Variants in STXBP4 observed in about 807,000 individuals in gnomAD.
STXBP4 encodes the protein syntaxin binding protein 4.
A neutral mutation model predicts 76.1 loss-of-function variants in STXBP4; 55 were observed. That is an observed-to-expected ratio of 0.72 (90% CI 0.58 to 0.91). STXBP4 has a LOEUF of 0.91. Among genes scored for constraint, STXBP4 ranks in the 40% least tolerant of loss-of-function variants. The pLI is 0.00. For missense variants in STXBP4, 618 were observed against 636.9 expected (o/e 0.97, Z 0.32); for synonymous variants, 201 against 220.2 (o/e 0.91, Z 0.77).
intron 12 of STXBP4, among the ~76,000 whole-genome samples, chr17:55,065,617 G>T (rs1024411043): frequency 5.3e-5 from 8 of 151,054 alleles, no homozygotes; most frequent in Admixed American, 4.6e-4. Context: ...AATTAGGAAA[G>T]TAGCTTTTTT....
intron 17 of STXBP4, among the ~76,000 whole-genome samples, chr17:55,143,710 A>C (rs1365580332): frequency 6.6e-6 from 1 of 152,224 alleles, no homozygotes; most frequent in Non-Finnish European, 1.5e-5. Flanking sequence ...GAAAGAACAG[A>C]GAGATGCTAC....
intron 1 of STXBP4, among the ~76,000 whole-genome samples, chr17:54,981,603 A>G (rs866055210): frequency 3.9e-5 from 6 of 152,174 alleles, no homozygotes; most frequent in Non-Finnish European, 8.8e-5. Context: ...TGAAACCATA[A>G]GAGTACTGGA....
the STXBP4 span, among the ~76,000 whole-genome samples, chr17:55,209,467 G>A: frequency 6.6e-6 from 1 of 152,174 alleles, no homozygotes; most frequent in Non-Finnish European, 1.5e-5. Context: ...CAGAGCTGGG[G>A]AGTCAGAGTC....
the STXBP4 span, among the ~76,000 whole-genome samples, chr17:55,183,746 A>T: frequency 6.6e-6 from 1 of 152,244 alleles, no homozygotes; most frequent in African/African-American, 2.4e-5. Flanking sequence ...CTAAATTAAC[A>T]GAGAAAAGTA....
At chr17:55,135,348 T>A (rs1157465749) in intron 16 of STXBP4, among the ~76,000 whole-genome samples, 1 of 152,154 alleles carries the variant, frequency 6.6e-6, no homozygotes, top group Non-Finnish European at 1.5e-5. Context: ...AAATTATATA[T>A]GTATATATGT....
Position 54,985,643 on chromosome 17 carries a change from T to G in STXBP4, c.-127T>G, listed in dbSNP as rs1598157292. ...GCCATTTAAGAAGTTCCTGGAATAA[T>G]ATTAGTCAGAGTAATATAGGATCTG... On this transcript the variant is annotated 5_prime_UTR_variant, in exon 2 of 18. Coordinates refer to ENST00000376352, the MANE Select transcript of STXBP4 (RefSeq NM_178509.6). 1 of 152,400 alleles carries G rather than the reference T, an allele frequency of 6.6e-6. No individual in the cohort carries two copies. Among genetic ancestry groups the G allele is most frequent in the South Asian group, 2.1e-4 (1 of 4,830 alleles). 9.4% of individuals were successfully genotyped at this position (152,400 alleles called of 1,614,324 possible).
intron 4 of STXBP4, among the ~76,000 whole-genome samples, chr17:54,997,618 T>C (rs924561597): frequency 1.4e-4 from 21 of 147,252 alleles, no homozygotes; most frequent in Non-Finnish European, 4.5e-5. Flanking sequence ...ATATATATTT[T>C]TTTTGAGACA....
Position 55,165,827 on chromosome 17 carries a change from T to A in STXBP4, c.*5916T>A, listed in dbSNP as rs1482175177. ...GAACCTGTTTGCCCCTTCTGCCTTGTGAGGATGCAGCAAGAAGTTGCCATC... is the reference window on the plus strand; with the variant it reads ...GAACCTGTTTGCCCCTTCTGCCTTGAGAGGATGCAGCAAGAAGTTGCCATC... On this transcript the variant is annotated 3_prime_UTR_variant, in exon 18 of 18. Coordinates refer to ENST00000376352, the MANE Select transcript of STXBP4 (RefSeq NM_178509.6). 1.3e-5 allele frequency: 2 copies of A among 152,244 alleles called. No homozygotes were observed. The highest frequency in any genetic ancestry group is 4.8e-5 in the African/African-American group (2 of 41,452). The allele number at this position is 152,244 out of a possible 1,614,324, so 9.4% of individuals were successfully genotyped here.
intron 16 of STXBP4, among the ~76,000 whole-genome samples, chr17:55,111,120 T>C (rs2079709003): frequency 6.6e-6 from 1 of 152,200 alleles, no homozygotes; most frequent in African/African-American, 2.4e-5. Context: ...ACTTCCTAAC[T>C]TGTCACCCTA....
chr17:54,988,398 G>A (rs1457626670), intron 3 of STXBP4, among the ~76,000 whole-genome samples: 1 of 152,148 alleles, frequency 6.6e-6, no homozygotes, highest in Admixed American at 6.5e-5. Context: ...ATCTAATAAG[G>A]TAGCTTACTT....
intron 1 of STXBP4, among the ~76,000 whole-genome samples, chr17:54,969,490 C>T (rs1273269060): frequency 1.3e-5 from 2 of 152,202 alleles, no homozygotes; most frequent in African/African-American, 4.8e-5. Context: ...CTCACCATGG[C>T]CCTGTGCCCT....
intron 16 of STXBP4, among the ~76,000 whole-genome samples, chr17:55,139,824 A>G (rs1344585198): frequency 6.6e-6 from 1 of 152,168 alleles, no homozygotes; most frequent in African/African-American, 2.4e-5. Flanking sequence ...GTGTTAATAT[A>G]CAAAGGAAAT....
At chr17:55,178,743 A>G in the STXBP4 span, among the ~76,000 whole-genome samples, 2 of 152,250 alleles carry the variant, frequency 1.3e-5, no homozygotes, top group Non-Finnish European at 2.9e-5. Context: ...CCTAAGAACC[A>G]GGACAGCTGA....
chr17:55,058,554 T>C (rs1050747519), intron 12 of STXBP4, among the ~76,000 whole-genome samples: 10 of 152,176 alleles, frequency 6.6e-5, no homozygotes, highest in Admixed American at 2.0e-4. Flanking sequence ...CAAATCAACA[T>C]TTTATCATAA....
the STXBP4 span, among the ~76,000 whole-genome samples, chr17:55,202,248 T>C: frequency 6.6e-6 from 1 of 152,020 alleles, no homozygotes; most frequent in Non-Finnish European, 1.5e-5. Context: ...GGTCTCTCAA[T>C]CTTGAACACC....
At chr17:55,027,332 G>A (rs184235867) in intron 8 of STXBP4, among the ~76,000 whole-genome samples, 4 of 152,182 alleles carry the variant, frequency 2.6e-5, no homozygotes, top group Admixed American at 6.5e-5. Flanking sequence ...CCTTCCTATC[G>A]CCCAAGATAC....
the STXBP4 span, among the ~76,000 whole-genome samples, chr17:55,203,496 G>T: frequency 6.6e-6 from 1 of 152,098 alleles, no homozygotes. Flanking sequence ...TTTGAAAATT[G>T]TTTCTCAAAC....
At chr17:55,020,049 A>G (rs1222905673) in intron 8 of STXBP4, among the ~76,000 whole-genome samples, 1 of 152,166 alleles carries the variant, frequency 6.6e-6, no homozygotes, top group Admixed American at 6.5e-5. Flanking sequence ...CTGAAGATTT[A>G]TATCTTTTTT....
At chr17:55,208,442 A>C in the STXBP4 span, among the ~76,000 whole-genome samples, 1 of 152,128 alleles carries the variant, frequency 6.6e-6, no homozygotes, top group Non-Finnish European at 1.5e-5. Flanking sequence ...TCTGATAGTG[A>C]AAGTGGGTGC....
Sources: gnomAD v4.1 joint callset for allele counts (sites outside exome capture counted in the v4.1 genomes callset) on GRCh38, gnomAD v4.1.1 for gene constraint, MANE v1.5 for transcripts, NCBI Gene and HGNC (gene_info 2026-07-23, HGNC 2026-07-21) for gene names.